The following ADAMTSL1 variants were observed in gnomAD, a reference collection of about 807,000 sequenced individuals.
The protein encoded by ADAMTSL1 is ADAMTS like 1, also known as ADAMTS-like protein 1.
ADAMTSL1 carries 126 observed loss-of-function variants against 201.8 expected under a neutral mutation model. That is an observed-to-expected ratio of 0.62 (90% CI 0.54 to 0.72). ADAMTSL1 has a LOEUF of 0.72. Among genes scored for constraint, ADAMTSL1 ranks in the 30% least tolerant of loss-of-function variants. ADAMTSL1 has a pLI of 0.00. For missense variants in ADAMTSL1, 2,679 were observed against 2,277.8 expected (o/e 1.18, Z -3.59); for synonymous variants, 1,121 against 903.4 (o/e 1.24, Z -4.32).
intron 1 of ADAMTSL1, among the ~76,000 whole-genome samples, chr9:18,028,367 G>T (rs1820789676): frequency 6.6e-6 from 1 of 152,022 alleles, no homozygotes; most frequent in African/African-American, 2.4e-5. Flanking sequence ...TTCACTTAAT[G>T]ATTGCTTATC....
Position 18,453,492 on chromosome 9 carries a change from A to AT in ADAMTSL1, c.208-51330dup, listed in dbSNP as rs1308263389. On this transcript the variant is annotated intron_variant, in intron 2 of 29. Transcript: ENST00000680146. ...TTTGTCATCTGAACATGCTTTTTTAATTTTTTTCAGGGCCAGGCTGAAATT... is the reference window on the plus strand; with the variant it reads ...TTTGTCATCTGAACATGCTTTTTTAATTTTTTTTCAGGGCCAGGCTGAAATT... 2.0e-5 allele frequency among the ~76,000 whole-genome samples: 3 copies of AT among 151,822 alleles called. No individual in the cohort carries two copies. The South Asian group carries it at 6.3e-4, about 32-fold the overall frequency.
chr9:17,978,897 G>C (rs1007145563), intron 1 of ADAMTSL1, among the ~76,000 whole-genome samples: 1 of 151,816 alleles, frequency 6.6e-6, no homozygotes, highest in Non-Finnish European at 1.5e-5. Context: ...GTTTGTCTGA[G>C]AGAGTCTTTA....
intron 4 of ADAMTSL1, among the ~76,000 whole-genome samples, chr9:18,606,028 T>A (rs528325039): frequency 6.6e-6 from 1 of 152,144 alleles, no homozygotes; most frequent in Admixed American, 6.5e-5. Context: ...CACATTGGGG[T>A]CATGATTGCT....
intron 2 of ADAMTSL1, among the ~76,000 whole-genome samples, chr9:18,267,770 A>AAAC: frequency 6.8e-6 from 1 of 146,804 alleles, no homozygotes; most frequent in South Asian, 2.2e-4. Context: ...ATTAAAAAAA[A>AAAC]AAAACAAAAA....
At chr9:18,149,170 T>G (rs190445809) in intron 1 of ADAMTSL1, among the ~76,000 whole-genome samples, 101 of 152,142 alleles carry the variant, frequency 6.6e-4, no homozygotes, top group African/African-American at 2.2e-3. Flanking sequence ...AACCAGACCC[T>G]TCTTAGTGAG....
chr9:18,403,987 G>A (rs17792780), intron 2 of ADAMTSL1, among the ~76,000 whole-genome samples: 10,611 of 152,048 alleles, frequency 0.07, 552 homozygotes, highest in African/African-American at 0.15. Flanking sequence ...TGAGTGCCCC[G>A]TGGAAGGATC....
At position 18,776,950 on chromosome 9, in the gene ADAMTSL1, C is replaced by G. The variant is rs768954398; in HGVS notation, c.2721C>G (p.Pro907=). ...GCCCGGCGCGCAGGGTCCGCAAGCC[C>G]CTCATCACCTGGGAGAAGGACGGCC... The part of the protein sequence containing the change: ...LRCPARRVRK[P]LITWEKDGQH... The change falls in exon 19 of 29, where the codon CCC becomes CCG. Residue 907 remains proline (P), a synonymous_variant. Coordinates refer to ENST00000380548, the MANE Select transcript of ADAMTSL1 (RefSeq NM_001040272.6). 2 of 1,599,512 alleles carry G rather than the reference C, an allele frequency of 1.3e-6. No individual in the cohort carries two copies. The highest frequency in any genetic ancestry group is 3.4e-5 in the Admixed American group (2 of 58,596).
chr9:18,905,291 A>G (rs7864878), intron 26 of ADAMTSL1, among the ~76,000 whole-genome samples: 20,326 of 152,210 alleles, frequency 0.13, 1,527 homozygotes, highest in Middle Eastern at 0.22. Flanking sequence ...CTGCATACCT[A>G]AGTCTGCTTT....
At chr9:18,546,472 A>G (rs905527290) in intron 3 of ADAMTSL1, among the ~76,000 whole-genome samples, 4 of 152,074 alleles carry the variant, frequency 2.6e-5, no homozygotes, top group African/African-American at 4.8e-5. Context: ...TCACTGAGTA[A>G]ATATACTTTA....
At chr9:18,626,152 A>G (rs1826347509) in intron 5 of ADAMTSL1, among the ~76,000 whole-genome samples, 2 of 152,220 alleles carry the variant, frequency 1.3e-5, no homozygotes, top group South Asian at 4.1e-4. Flanking sequence ...AACAGCACAT[A>G]TTTAATGGGC....
chr9:18,235,242 T>TTC (rs2132425117), intron 2 of ADAMTSL1, among the ~76,000 whole-genome samples: 1 of 152,332 alleles, frequency 6.6e-6, no homozygotes, highest in Admixed American at 6.5e-5. Context: ...GTCAGGTATT[T>TTC]TCTCGAATGT....
chr9:18,029,680 T>A (rs1267606935), intron 1 of ADAMTSL1, among the ~76,000 whole-genome samples: 1 of 151,640 alleles, frequency 6.6e-6, no homozygotes, highest in Non-Finnish European at 1.5e-5. Flanking sequence ...GAATCTACAA[T>A]GAACTCAAAC....
intron 2 of ADAMTSL1, among the ~76,000 whole-genome samples, chr9:18,300,537 C>G (rs1833666229): frequency 6.6e-6 from 1 of 152,114 alleles, no homozygotes; most frequent in African/African-American, 2.4e-5. Context: ...GTGCAGCAAA[C>G]CAGCATGGTA....
chr9:18,206,053 CAAAAAAAAAAAAAAAAAAAA>C (rs71333031), intron 2 of ADAMTSL1, among the ~76,000 whole-genome samples: 3 of 54,336 alleles, frequency 5.5e-5, no homozygotes, highest in South Asian at 1.0e-3. Context: ...GACTCCATCT[CAAAAAAAAAAAAAAAAAAAA>C]AAAAAAAAAA....
At chr9:18,778,774 A>G (rs1361353372) in intron 19 of ADAMTSL1, among the ~76,000 whole-genome samples, 1 of 152,238 alleles carries the variant, frequency 6.6e-6, no homozygotes, top group African/African-American at 2.4e-5. Context: ...GGAAATACAT[A>G]AAGTTAAGTA....
chr9:18,537,039 T>G (rs1019529707), intron 3 of ADAMTSL1, among the ~76,000 whole-genome samples: 2 of 152,212 alleles, frequency 1.3e-5, no homozygotes, highest in African/African-American at 4.8e-5. Flanking sequence ...TGCTCTTAAT[T>G]TCTTTATTAA....
At chr9:18,575,621 A>G (rs1822663658) in intron 4 of ADAMTSL1, among the ~76,000 whole-genome samples, 1 of 152,228 alleles carries the variant, frequency 6.6e-6, no homozygotes, top group Non-Finnish European at 1.5e-5. Context: ...AAATAGATTT[A>G]GAAAGGGGAC....
intron 2 of ADAMTSL1, among the ~76,000 whole-genome samples, chr9:18,272,247 A>C (rs10963549): frequency 0.36 from 54,871 of 151,978 alleles, 11,089 homozygotes; most frequent in South Asian, 0.52. Flanking sequence ...TGGTACTGGT[A>C]CCAAAACAGA....
At chr9:18,061,461 G>A (rs968847961) in intron 1 of ADAMTSL1, among the ~76,000 whole-genome samples, 2 of 152,138 alleles carry the variant, frequency 1.3e-5, no homozygotes, top group African/African-American at 2.4e-5. Flanking sequence ...CAAAATTGAT[G>A]TGAAGATCAA....
Sources: allele counts gnomAD v4.1 joint callset (sites outside exome capture counted in the v4.1 genomes callset), GRCh38; gene constraint gnomAD v4.1.1; transcripts MANE v1.5; gene names NCBI Gene and HGNC (gene_info 2026-07-23, HGNC 2026-07-21).